Variants in SHD observed in about 807,000 individuals in gnomAD.
SHD encodes the protein Src homology 2 domain containing transforming protein D.
SHD carries 29 observed loss-of-function variants against 31.2 expected under a neutral mutation model. That is an observed-to-expected ratio of 0.93 (90% CI 0.69 to 1.27). The LOEUF is 1.27. Ranked by LOEUF, SHD falls within the 50% of genes most tolerant of loss-of-function variation. The probability of loss-of-function intolerance (pLI) is 0.00; values close to 1 mark genes in which losing one functional copy is unlikely to be tolerated. For missense variants in SHD, 520 were observed against 453.8 expected (o/e 1.15, Z -1.33); for synonymous variants, 208 against 187.8 (o/e 1.11, Z -0.88).
chr19:4,279,918 C>T lies in SHD; in HGVS notation c.-146C>T. On this transcript the variant is annotated 5_prime_UTR_variant, in exon 1 of 6. Coordinates refer to ENST00000543264, the MANE Select transcript of SHD (RefSeq NM_020209.4). The surrounding 1 kb of genome is among the most constrained non-coding windows in gnomAD (Gnocchi z 7.5). ...TCCTTCCCTCTATCCATCCAGAGCC[C>T]CGCCAAAGGGCGCACCTGATCTTTC... is the stretch of plus-strand genomic sequence containing the variant. 1 of 1,008,388 alleles carries T rather than the reference C, an allele frequency of 9.9e-7. No individual in the cohort carries two copies. The highest frequency in any genetic ancestry group is 1.4e-6 in the Non-Finnish European group (1 of 700,476). The allele number at this position is 1,008,388 out of a possible 1,614,324, so 62.5% of individuals were successfully genotyped here. A position where few individuals can be genotyped will look rare whatever the true frequency, so the allele number is the denominator to read the frequency against.
At chr19:4,280,765 G>C (rs918656241) in intron 1 of SHD, among the ~76,000 whole-genome samples, 4 of 152,096 alleles carry the variant, frequency 2.6e-5, no homozygotes, top group African/African-American at 4.8e-5. Flanking sequence ...GACCTCAGGT[G>C]ATCCTCCCGC....
chr19:4,290,441 G>T lies in SHD; in HGVS notation c.837-6G>T, dbSNP rs769434746. 3.7e-6 allele frequency: 6 copies of T among 1,607,154 alleles called. No individual in the cohort carries two copies. The highest frequency in any genetic ancestry group is 1.3e-5 in the African/African-American group (1 of 74,920). ...CTCAGGAGTCCCTTTCTCCCTCATC[G>T]CCCAGGAGCAGCCAGGGCTTCCTGC... On this transcript the variant is annotated splice_polypyrimidine_tract_variant and splice_region_variant and intron_variant, in intron 5 of 5. Coordinates refer to ENST00000543264, the MANE Select transcript of SHD (RefSeq NM_020209.4).
intron 1 of SHD, 61 bp downstream of exon 1, chr19:4,280,421 G>C: frequency 6.8e-7 from 1 of 1,474,590 alleles, no homozygotes; most frequent in South Asian, 1.3e-5. Context: ...GGGCTCTCTG[G>C]ATCGTGGAGA....
Position 4,280,346 on chromosome 19 carries a change from G to A in SHD, c.283G>A (p.Gly95Ser), listed in dbSNP as rs749575240. ...GGCCAGAGCCAAGGCCCTTCTGGGC[G>A]GCCCCGGGGAGGAGGTGCGTGGCTG... ...DMARAKALLG[G>S]PGEELEADTE... The change falls in exon 1 of 6, where the codon GGC becomes AGC. Residue 95 changes from glycine (G) to serine (S), a missense_variant. Gly to Ser is a moderately conservative substitution (Grantham distance 56). Transcript: ENST00000543264. 2.5e-6 allele frequency: 4 copies of A among 1,573,110 alleles called. No homozygotes were observed. Among genetic ancestry groups the A allele is most frequent in the South Asian group, 2.3e-5 (2 of 86,578 alleles).
intron 4 of SHD, among the ~76,000 whole-genome samples, chr19:4,285,218 A>G (rs1225643568): frequency 6.6e-6 from 1 of 152,188 alleles, no homozygotes; most frequent in Non-Finnish European, 1.5e-5. Context: ...AGGTTCAAAC[A>G]GAAAAGGCAA....
intron 4 of SHD, 57 bp downstream of exon 4, chr19:4,284,961 T>C (rs575837731): frequency 2.8e-6 from 4 of 1,425,642 alleles, no homozygotes; most frequent in Middle Eastern, 1.9e-4. Flanking sequence ...TAGACTCCAA[T>C]GTATCAGGCA....
chr19:4,286,771 T>C (rs1030788871), intron 4 of SHD, among the ~76,000 whole-genome samples: 13 of 151,826 alleles, frequency 8.6e-5, no homozygotes, highest in Admixed American at 7.2e-4. Flanking sequence ...TCCCAGCTAC[T>C]CGGGAGGCTG....
At chr19:4,286,078 G>A (rs1453887281) in intron 4 of SHD, among the ~76,000 whole-genome samples, 1 of 150,998 alleles carries the variant, frequency 6.6e-6, no homozygotes, top group Non-Finnish European at 1.5e-5. Flanking sequence ...TTTTAGTAGA[G>A]ACAGAGTTTC....
At chr19:4,288,175 G>A in intron 4 of SHD, 68 bp from the exon 5 acceptor site, 1 of 1,532,808 alleles carries the variant, frequency 6.5e-7, no homozygotes, top group South Asian at 1.2e-5. Context: ...AAAGTGCTGG[G>A]ATTACAGGGC....
chr19:4,280,940 C>A (rs1454825026), intron 1 of SHD, among the ~76,000 whole-genome samples: 5 of 151,772 alleles, frequency 3.3e-5, no homozygotes, highest in African/African-American at 1.2e-4. Context: ...AGTCCCCCAG[C>A]CCCCTCCCCT....
chr19:4,285,857 T>C (rs930984631), intron 4 of SHD, among the ~76,000 whole-genome samples: 3 of 147,730 alleles, frequency 2.0e-5, no homozygotes, highest in Admixed American at 6.9e-5. Flanking sequence ...CCTTCCTCCT[T>C]CTCTTCTCTT....
chr19:4,286,229 T>TC (rs1971310810), intron 4 of SHD, among the ~76,000 whole-genome samples: 1 of 39,550 alleles, frequency 2.5e-5, no homozygotes, highest in South Asian at 8.1e-4. Context: ...TTTCTTTCTT[T>TC]CTTTTCTTTC....
At chr19:4,280,956 C>T (rs972688452) in intron 1 of SHD, among the ~76,000 whole-genome samples, 1 of 151,814 alleles carries the variant, frequency 6.6e-6, no homozygotes, top group African/African-American at 2.4e-5. Context: ...CCCCTCAGCA[C>T]CCCTTCCTCT....
intron 3 of SHD, chr19:4,284,478 G>A (rs1971287785): frequency 4.3e-6 from 1 of 230,938 alleles, no homozygotes; most frequent in African/African-American, 2.3e-5. Context: ...CACAGTCTGG[G>A]CTGAACCCCA....
chr19:4,288,354 G>A lies in SHD; in HGVS notation c.828G>A (p.Leu276=). 3.1e-6 allele frequency: 5 copies of A among 1,612,886 alleles called. No individual in the cohort carries two copies. The highest frequency in any genetic ancestry group is 3.4e-6 in the Non-Finnish European group (4 of 1,179,452). ...AGACCAACCCCCAGGACTGCTCCTTGTCTCTCAGGTGAGAACTCAGCCTCA... is the reference window on the plus strand; with the variant it reads ...AGACCAACCCCCAGGACTGCTCCTTATCTCTCAGGTGAGAACTCAGCCTCA... ...LSETNPQDCS[L]SLRSSQGFLH... Residue 276 remains leucine (L), a synonymous_variant, in exon 5 of 6, where the codon TTG becomes TTA. Transcript: ENST00000543264.
chr19:4,280,915 A>G (rs1276736853), intron 1 of SHD, among the ~76,000 whole-genome samples: 1 of 151,096 alleles, frequency 6.6e-6, no homozygotes, highest in Non-Finnish European at 1.5e-5. Context: ...CTCCTCCTCC[A>G]TGGTCATCCC....
In SHD at chr19:4,280,271, A is replaced by G. The variant is rs1971243938; in HGVS notation, c.208A>G (p.Lys70Glu). The G allele has an allele frequency of 6.2e-7, 1 of 1,613,246 alleles. No homozygotes were observed. Among genetic ancestry groups the G allele is most frequent in the African/African-American group, 1.3e-5 (1 of 75,016 alleles). The change falls in exon 1 of 6, where the codon AAG becomes GAG. Residue 70 changes from lysine (K) to glutamate (E), a missense_variant. By Grantham distance (56) the Lys-to-Glu change is moderately conservative. Transcript: ENST00000543264. ...GGACTCCAAGAACCCCGGAGATGCC[A>G]AGTATGGTTCTCCCAAGCACCGGCT... ...PGDSKNPGDA[K>E]YGSPKHRLIK...
chr19:4,287,216 C>T (rs1027708995), intron 4 of SHD, among the ~76,000 whole-genome samples: 1 of 151,802 alleles, frequency 6.6e-6, no homozygotes, highest in African/African-American at 2.4e-5. Flanking sequence ...CCTGTAGTCC[C>T]AGCTACTTGG....
At chr19:4,281,673 G>A (rs1018799115) in intron 1 of SHD, among the ~76,000 whole-genome samples, 2 of 151,120 alleles carry the variant, frequency 1.3e-5, no homozygotes, top group Non-Finnish European at 2.9e-5. Flanking sequence ...CAGGAGAATT[G>A]CTTGAACCCA....
Sources: gnomAD v4.1 joint callset for allele counts (sites outside exome capture counted in the v4.1 genomes callset) on GRCh38, gnomAD v4.1.1 for gene constraint, Gnocchi (gnomAD v3.1) non-coding constraint, MANE v1.5 for transcripts, NCBI Gene and HGNC (gene_info 2026-07-23, HGNC 2026-07-21) for gene names.